Variants in SLA observed in about 807,000 individuals in gnomAD.
SLA encodes Src like adaptor.
In SLA, 16 loss-of-function variants were observed where a neutral mutation model predicts 30.3. The observed-to-expected ratio is 0.53, with a 90% CI of 0.36 to 0.80. The LOEUF is 0.80. SLA is among the 30% of genes least tolerant of loss of function. The pLI, the probability that SLA is intolerant of heterozygous loss-of-function variation, is 0.01. For missense variants in SLA, 310 were observed against 345.2 expected (o/e 0.90, Z 0.81); for synonymous variants, 143 against 137.8 (o/e 1.04, Z -0.26).
intron 1 of SLA, among the ~76,000 whole-genome samples, chr8:133,079,592 C>T (rs1197257889): frequency 1.3e-5 from 2 of 152,128 alleles, no homozygotes; most frequent in African/African-American, 4.8e-5. Flanking sequence ...CAGCATCATG[C>T]GGCAGATGTG....
Position 133,074,839 on chromosome 8 carries a change from T to C in SLA, c.-41+14A>G. 1 of 985,064 alleles carries C rather than the reference T, an allele frequency of 1.0e-6. No individual in the cohort carries two copies. Among genetic ancestry groups the C allele is most frequent in the Non-Finnish European group, 1.2e-6 (1 of 829,666 alleles). The allele number at this position is 985,064 out of a possible 1,614,324, so 61.0% of individuals were successfully genotyped here. On this transcript the variant is annotated intron_variant, in intron 2 of 8. Transcript: ENST00000338087. ...CTCTCCCCACCCCATCTCTGCCACA[T>C]ACTCCCAAAATACCTTCACACACTG...
At chr8:133,042,676 G>GTTT (rs1838483510) in intron 7 of SLA, among the ~76,000 whole-genome samples, 9 of 55,572 alleles carry the variant, frequency 1.6e-4, no homozygotes, top group Non-Finnish European at 2.7e-4. Context: ...CTCATTCTGT[G>GTTT]TCTTTTTTTT....
At chr8:133,041,794 T>TTG (rs1435468484) in intron 7 of SLA, among the ~76,000 whole-genome samples, 1 of 148,998 alleles carries the variant, frequency 6.7e-6, no homozygotes, top group Non-Finnish European at 1.5e-5. Context: ...GTTTTTTTTT[T>TTG]TTTTTTTTTT....
At chr8:133,069,452 T>C (rs1244629690) in intron 2 of SLA, among the ~76,000 whole-genome samples, 1 of 152,176 alleles carries the variant, frequency 6.6e-6, no homozygotes, top group East Asian at 1.9e-4. Flanking sequence ...TTGGTCTCTC[T>C]AAAGAGATCT....
intron 1 of SLA, chr8:133,094,914 C>G (rs1410131997): frequency 2.4e-6 from 3 of 1,251,424 alleles, no homozygotes; most frequent in Non-Finnish European, 3.5e-6. Context: ...GTGTGCAGCC[C>G]CAGAATGGGT....
In SLA at chr8:133,038,227, T is replaced by A. The variant is rs1408510715; in HGVS notation, c.*297A>T. 2 of 405,992 alleles carry A rather than the reference T, an allele frequency of 4.9e-6. No homozygotes were observed. Among genetic ancestry groups the A allele is most frequent in the Non-Finnish European group, 9.1e-6 (2 of 219,740 alleles). 25.1% of individuals were successfully genotyped at this position (405,992 alleles called of 1,614,324 possible). A position where few individuals can be genotyped will look rare whatever the true frequency, so the allele number is the denominator to read the frequency against. On this transcript the variant is annotated 3_prime_UTR_variant, in exon 9 of 9. Transcript: ENST00000338087. ...GTGCCCTTTCTTGTGAGAGTGGCTTTGTCCTTCCCACACACACAATGTGTG... is the reference window on the plus strand; with the variant it reads ...GTGCCCTTTCTTGTGAGAGTGGCTTAGTCCTTCCCACACACACAATGTGTG...
chr8:133,095,839 T>C (rs1307018168), intron 1 of SLA, among the ~76,000 whole-genome samples: 1 of 152,234 alleles, frequency 6.6e-6, no homozygotes, highest in East Asian at 1.9e-4. Context: ...AAGTGCAGGC[T>C]AATTTGATCA....
chr8:133,101,829 A>G (rs919563829), intron 1 of SLA, among the ~76,000 whole-genome samples: 2 of 151,854 alleles, frequency 1.3e-5, no homozygotes, highest in Non-Finnish European at 1.5e-5. Flanking sequence ...ATTGGGCCCC[A>G]TAGCAGCACT....
chr8:133,065,884 C>G (rs1453761982), intron 2 of SLA, among the ~76,000 whole-genome samples: 1 of 152,134 alleles, frequency 6.6e-6, no homozygotes, highest in East Asian at 1.9e-4. Flanking sequence ...CCTGAGGGAT[C>G]TCTTGGATGT....
intron 1 of SLA, among the ~76,000 whole-genome samples, chr8:133,086,481 C>G (rs918947864): frequency 3.9e-5 from 6 of 151,982 alleles, no homozygotes; most frequent in African/African-American, 1.2e-4. Flanking sequence ...CATGTGGCAC[C>G]TATTTAATGA....
At chr8:133,059,176 A>C (rs1346357707) in intron 3 of SLA, 1 of 455,862 alleles carries the variant, frequency 2.2e-6, no homozygotes, top group African/African-American at 2.0e-5. Flanking sequence ...GCTGCTGGGA[A>C]CCATGTGTGG....
intron 8 of SLA, among the ~76,000 whole-genome samples, chr8:133,039,158 C>A (rs1032820808): frequency 6.6e-6 from 1 of 152,176 alleles, no homozygotes; most frequent in East Asian, 1.9e-4. Context: ...GGGTTACAGG[C>A]GTGAGCCACC....
chr8:133,070,250 T>G (rs1164173060), intron 2 of SLA, among the ~76,000 whole-genome samples: 3 of 152,032 alleles, frequency 2.0e-5, no homozygotes, highest in African/African-American at 7.3e-5. Context: ...GAAAAAGATG[T>G]GTGGAGCGGT....
At chr8:133,064,039 TG>T (rs1324874104) in intron 2 of SLA, 1 of 152,252 alleles carries the variant, frequency 6.6e-6, no homozygotes, top group Non-Finnish European at 1.5e-5. Flanking sequence ...TGCAAATTCT[TG>T]ATTTCTTTCT....
intron 1 of SLA, among the ~76,000 whole-genome samples, chr8:133,079,880 A>G (rs1215149492): frequency 6.6e-6 from 1 of 151,992 alleles, no homozygotes; most frequent in Non-Finnish European, 1.5e-5. Context: ...ATATCAAACC[A>G]TATGACCTTC....
intron 1 of SLA, among the ~76,000 whole-genome samples, chr8:133,101,553 G>A (rs1849256322): frequency 6.6e-6 from 1 of 151,280 alleles, no homozygotes; most frequent in African/African-American, 2.4e-5. Context: ...CCCATCTGGG[G>A]CTGAGAAACA....
chr8:133,087,029 G>C (rs530442287), intron 1 of SLA, among the ~76,000 whole-genome samples: 1 of 147,056 alleles, frequency 6.8e-6, no homozygotes, highest in East Asian at 2.1e-4. Context: ...AAAAAGATAG[G>C]CTCAAAAACA....
At chr8:133,101,075 G>A (rs1168898187) in intron 1 of SLA, among the ~76,000 whole-genome samples, 1 of 152,110 alleles carries the variant, frequency 6.6e-6, no homozygotes, top group African/African-American at 2.4e-5. Flanking sequence ...CAATTGCAGG[G>A]CAGGAGTGGG....
intron 3 of SLA, 86 bp from the exon 4 acceptor site, chr8:133,051,001 A>T (rs1840308780): frequency 1.3e-6 from 1 of 752,724 alleles, no homozygotes; most frequent in Admixed American, 2.2e-5. Flanking sequence ...GGAGGGTATG[A>T]AGATGAGATT....
Sources: gnomAD v4.1 joint callset for allele counts (sites outside exome capture counted in the v4.1 genomes callset) on GRCh38, gnomAD v4.1.1 for gene constraint, MANE v1.5 for transcripts, NCBI Gene and HGNC (gene_info 2026-07-23, HGNC 2026-07-21) for gene names.